Variants in PLCB1 observed in about 807,000 individuals in gnomAD.
The protein encoded by PLCB1 is 1-phosphatidylinositol 4,5-bisphosphate phosphodiesterase beta-1.
In PLCB1, 46 loss-of-function variants were observed where a neutral mutation model predicts 161.8. The observed-to-expected ratio is 0.28, with a 90% CI of 0.22 to 0.36. The LOEUF (loss-of-function observed/expected upper bound fraction) is 0.36, where lower values mean the gene tolerates loss of function less well. Ranked by LOEUF, PLCB1 falls within the 10% of genes least tolerant of loss-of-function variation. PLCB1 has a pLI of 1.00. For missense variants in PLCB1, 1,016 were observed against 1,472.5 expected (o/e 0.69, Z 5.07); for synonymous variants, 517 against 503.7 (o/e 1.03, Z -0.35).
intron 25 of PLCB1, among the ~76,000 whole-genome samples, chr20:8,763,540 C>T (rs1267478048): frequency 6.6e-6 from 1 of 152,328 alleles, no homozygotes; most frequent in East Asian, 1.9e-4. Context: ...CATGTGCCAC[C>T]ATGCCCAGCT....
At chr20:8,505,752 C>T (rs548725176) in intron 3 of PLCB1, among the ~76,000 whole-genome samples, 2 of 152,304 alleles carry the variant, frequency 1.3e-5, no homozygotes, top group South Asian at 4.2e-4. Context: ...ATACAGTTGG[C>T]TCAGTTGAGA....
At chr20:8,448,441 A>G (rs1980931690) in intron 3 of PLCB1, among the ~76,000 whole-genome samples, 1 of 152,170 alleles carries the variant, frequency 6.6e-6, no homozygotes, top group South Asian at 2.1e-4. Flanking sequence ...TATACTTTTA[A>G]CTAAATCTGT....
chr20:8,569,934 T>A (rs1202949291), intron 3 of PLCB1, among the ~76,000 whole-genome samples: 1 of 152,260 alleles, frequency 6.6e-6, no homozygotes, highest in East Asian at 1.9e-4. Context: ...TGAAATATAT[T>A]TCTTCATGTA....
chr20:8,312,411 G>A (rs967095175), intron 2 of PLCB1, among the ~76,000 whole-genome samples: 1 of 152,124 alleles, frequency 6.6e-6, no homozygotes, highest in African/African-American at 2.4e-5. Flanking sequence ...TGAAGATGGT[G>A]AAGAATCTCA....
intron 1 of PLCB1, among the ~76,000 whole-genome samples, chr20:8,146,684 C>T (rs1297033787): frequency 2.0e-5 from 3 of 151,928 alleles, no homozygotes; most frequent in Admixed American, 2.0e-4. Flanking sequence ...GTTTCTCATT[C>T]TTCAGGATTT....
intron 1 of PLCB1, among the ~76,000 whole-genome samples, chr20:8,147,393 A>G (rs941879895): frequency 6.6e-6 from 1 of 152,188 alleles, no homozygotes; most frequent in Non-Finnish European, 1.5e-5. Flanking sequence ...TCTACAGTCA[A>G]AGGTCCCAAG....
At chr20:8,673,027 G>T (rs776847143) in intron 9 of PLCB1, among the ~76,000 whole-genome samples, 5 of 151,898 alleles carry the variant, frequency 3.3e-5, no homozygotes. Flanking sequence ...CAGGAGAATC[G>T]CTTGAACCTG....
At chr20:8,533,370 T>C (rs6516376) in intron 3 of PLCB1, among the ~76,000 whole-genome samples, 32,409 of 148,120 alleles carry the variant, frequency 0.22, 4,131 homozygotes, top group African/African-American at 0.36. Flanking sequence ...TTCCTTTGGG[T>C]ATATACCCAG....
intron 3 of PLCB1, among the ~76,000 whole-genome samples, chr20:8,488,057 G>A (rs1022053078): frequency 6.6e-6 from 1 of 152,116 alleles, no homozygotes; most frequent in Non-Finnish European, 1.5e-5. Context: ...TCTATTCGAA[G>A]TCTTACTATG....
chr20:8,277,362 G>C (rs1424143702), intron 2 of PLCB1, among the ~76,000 whole-genome samples: 1 of 151,310 alleles, frequency 6.6e-6, no homozygotes, highest in Non-Finnish European at 1.5e-5. Flanking sequence ...TATTGTACTT[G>C]ATGATTTATT....
rs111691905 is a variant in PLCB1, at chr20:8,508,515, A to T, written c.247-119779A>T. Among the ~76,000 whole-genome samples the T allele has an allele frequency of 4.9e-3, 739 of 152,274 alleles. 6 individuals are homozygous for T. The highest frequency in any genetic ancestry group is 0.017 in the African/African-American group (704 of 41,558). On this transcript the variant is annotated intron_variant, in intron 3 of 31. Transcript: ENST00000338037. The stretch of plus-strand genomic sequence containing the variant: ...GATGGTAAAGATGGCTGTACGTACT[A>T]TCCTTGCTTATTTCCAATCTATTGT...
At chr20:8,771,033 C>T (rs1326369643) in intron 26 of PLCB1, among the ~76,000 whole-genome samples, 1 of 152,122 alleles carries the variant, frequency 6.6e-6, no homozygotes, top group African/African-American at 2.4e-5. Context: ...AGAAACAACA[C>T]ACATGCGTAG....
At chr20:8,553,951 G>A (rs61476777) in intron 3 of PLCB1, among the ~76,000 whole-genome samples, 1,569 of 151,962 alleles carry the variant, frequency 0.01, 23 homozygotes, top group African/African-American at 0.035. Context: ...GCAGTGAGCC[G>A]AGATTGCACT....
chr20:8,216,804 G>T (rs1334107579), intron 2 of PLCB1, among the ~76,000 whole-genome samples: 1 of 152,096 alleles, frequency 6.6e-6, no homozygotes. Flanking sequence ...GACATCTGCG[G>T]TGCCTATATA....
intron 3 of PLCB1, among the ~76,000 whole-genome samples, chr20:8,581,989 C>T (rs1473938625): frequency 2.6e-5 from 4 of 152,118 alleles, no homozygotes; most frequent in Admixed American, 2.0e-4. Context: ...CTGAGTCATG[C>T]GAATAGGTTG....
chr20:8,428,147 C>T (rs1979867023), intron 3 of PLCB1, among the ~76,000 whole-genome samples: 1 of 152,106 alleles, frequency 6.6e-6, no homozygotes, highest in Admixed American at 6.6e-5. Flanking sequence ...CAACAACAGC[C>T]CCCATGACTT....
chr20:8,750,467 C>T (rs954866854), intron 23 of PLCB1, among the ~76,000 whole-genome samples: 1 of 152,146 alleles, frequency 6.6e-6, no homozygotes, highest in Non-Finnish European at 1.5e-5. Flanking sequence ...ATATCAGCCA[C>T]CCGGATTCCA....
chr20:8,645,955 C>G (rs1989157166), intron 4 of PLCB1, 147 bp from the exon 5 acceptor site: 1 of 545,228 alleles, frequency 1.8e-6, no homozygotes. Context: ...CATTTTTACC[C>G]AAAAAAGGGA....
chr20:8,877,241 C>G (rs1214544213), intron 31 of PLCB1, among the ~76,000 whole-genome samples: 1 of 152,108 alleles, frequency 6.6e-6, no homozygotes, highest in African/African-American at 2.4e-5. Context: ...ACCATCTAAG[C>G]CTAGGATTAT....
Sources: gnomAD v4.1 joint callset for allele counts (sites outside exome capture counted in the v4.1 genomes callset) on GRCh38, gnomAD v4.1.1 for gene constraint, MANE v1.5 for transcripts, NCBI Gene and HGNC (gene_info 2026-07-23, HGNC 2026-07-21) for gene names.